The following PDS5A variants were observed in gnomAD, a reference collection of about 807,000 sequenced individuals.
The protein encoded by PDS5A is PDS5 cohesin associated factor A.
Under a neutral mutation model 167.1 loss-of-function variants are expected in PDS5A, and 42 were observed. That is an observed-to-expected ratio of 0.25 (90% confidence interval 0.20 to 0.33). The LOEUF is 0.33. Ranked by LOEUF, PDS5A falls within the 10% of genes least tolerant of loss-of-function variation. The pLI is 1.00. For synonymous variants in PDS5A, 553 were observed against 554.6 expected, an observed-to-expected ratio of 1.00 and a Z score of 0.04; for missense variants, 1,033 against 1,605.9, an observed-to-expected ratio of 0.64 and a Z score of 6.10.
rs1720589917 is a variant in PDS5A at position 39,877,799 on chromosome 4, G to T, written c.1993-646C>A. ...TTTTTGTTTTTTTTGTAGAGATGAG[G>T]TCTAGCTATGTTGCCCAGGCTGGTC... On this transcript the variant is annotated intron_variant, in intron 18 of 32. Coordinates refer to ENST00000303538, the MANE Select transcript of PDS5A (RefSeq NM_001100399.2). Among the ~76,000 whole-genome samples the T allele has an allele frequency of 2.6e-5, 4 of 151,824 alleles. No individual in the cohort carries two copies. In the South Asian group the frequency reaches 8.3e-4, roughly 32 times the overall value.
intron 2 of PDS5A, among the ~76,000 whole-genome samples, chr4:39,937,989 CTG>C (rs1331710665): frequency 6.6e-6 from 1 of 152,196 alleles, no homozygotes; most frequent in Non-Finnish European, 1.5e-5. Flanking sequence ...TGTAAAAAGA[CTG>C]TAACCTACTC....
At chr4:39,958,581 A>C (rs1729183571) in intron 2 of PDS5A, among the ~76,000 whole-genome samples, 1 of 149,308 alleles carries the variant, frequency 6.7e-6, no homozygotes, top group Non-Finnish European at 1.5e-5. Flanking sequence ...CAGCACAAGC[A>C]AAATAGTAGT....
chr4:39,864,592 C>G lies in PDS5A; in HGVS notation c.2643-1133G>C, dbSNP rs1458154146. ...AATGCAGAAAGCTAGCCGGAACCCACTGGGACTGTTGCTAAGCATAGAGAG... is the reference window on the plus strand; with the variant it reads ...AATGCAGAAAGCTAGCCGGAACCCAGTGGGACTGTTGCTAAGCATAGAGAG... On this transcript the variant is annotated intron_variant, in intron 23 of 32. Coordinates refer to ENST00000303538, the MANE Select transcript of PDS5A (RefSeq NM_001100399.2). Among the ~76,000 whole-genome samples, 6 of 152,318 alleles carry G rather than the reference C, an allele frequency of 3.9e-5. No individual in the cohort carries two copies. In the East Asian group the frequency reaches 1.2e-3, roughly 29 times the overall value.
intron 26 of PDS5A, among the ~76,000 whole-genome samples, chr4:39,859,707 C>T (rs1046894935): frequency 4.6e-5 from 7 of 152,182 alleles, no homozygotes; most frequent in Non-Finnish European, 8.8e-5. Context: ...TTTCCCTAGA[C>T]TCGTGGTTTC....
At chr4:39,912,843 G>A (rs1242904249) in intron 9 of PDS5A, among the ~76,000 whole-genome samples, 2 of 152,144 alleles carry the variant, frequency 1.3e-5, no homozygotes, top group Non-Finnish European at 1.5e-5. Flanking sequence ...AAAACTATCT[G>A]AGTTAATGGC....
At chr4:39,946,565 G>A (rs1181412007) in intron 2 of PDS5A, among the ~76,000 whole-genome samples, 1 of 152,040 alleles carries the variant, frequency 6.6e-6, no homozygotes, top group Non-Finnish European at 1.5e-5. Flanking sequence ...AAGAAAAAAA[G>A]ACCAAATTAC....
intron 2 of PDS5A, among the ~76,000 whole-genome samples, chr4:39,964,092 T>C (rs1243630010): frequency 1.3e-5 from 2 of 152,060 alleles, no homozygotes; most frequent in African/African-American, 4.8e-5. Context: ...CTAACAAACA[T>C]GGTACTTCAT....
chr4:39,868,608 C>T (rs548110059), intron 22 of PDS5A: 9 of 451,266 alleles, frequency 2.0e-5, no homozygotes, highest in South Asian at 1.3e-4. Context: ...GGATTATAGG[C>T]GTGAGCCACC....
chr4:39,859,280 A>AAAAC (rs1250848569), intron 26 of PDS5A, among the ~76,000 whole-genome samples: 1 of 152,156 alleles, frequency 6.6e-6, no homozygotes, highest in Non-Finnish European at 1.5e-5. Context: ...AAAACTTAAA[A>AAAAC]AAACAAACAA....
At position 39,900,526 on chromosome 4, in the gene PDS5A, G is replaced by T; in HGVS notation, c.1500-19C>A. 6.8e-7 allele frequency: 1 copy of T among 1,470,304 alleles called. No individual in the cohort carries two copies. The highest frequency in any genetic ancestry group is 9.4e-7 in the Non-Finnish European group (1 of 1,068,394). 91.1% of individuals were successfully genotyped at this position (1,470,304 alleles called of 1,614,324 possible). A position where few individuals can be genotyped will look rare whatever the true frequency, so the allele number is the denominator to read the frequency against. ...GAGAGCTCTGTAAAGTTATGAATAT[G>T]AAAACACACATTACATAACAATACT... On this transcript the variant is annotated intron_variant, in intron 13 of 32. Coordinates refer to ENST00000303538, the MANE Select transcript of PDS5A (RefSeq NM_001100399.2).
chr4:39,873,210 A>G, intron 20 of PDS5A, 66 bp from the exon 21 acceptor site: 5 of 997,972 alleles, frequency 5.0e-6, no homozygotes, highest in Non-Finnish European at 6.9e-6. Context: ...CTACTGAAAC[A>G]GTACATTTTC....
chr4:39,880,803 A>G (rs1244405447), intron 17 of PDS5A, among the ~76,000 whole-genome samples: 1 of 152,154 alleles, frequency 6.6e-6, no homozygotes, highest in East Asian at 1.9e-4. Flanking sequence ...TTGTGTTGGG[A>G]ACATTCAATA....
At chr4:39,948,114 TG>T (rs1459028235) in intron 2 of PDS5A, among the ~76,000 whole-genome samples, 3 of 149,222 alleles carry the variant, frequency 2.0e-5, no homozygotes, top group Non-Finnish European at 3.0e-5. Flanking sequence ...TAGCTGGGTA[TG>T]GTAGCACGTA....
intron 6 of PDS5A, among the ~76,000 whole-genome samples, chr4:39,922,314 CCAAA>C (rs1273595901): frequency 6.6e-6 from 1 of 152,128 alleles, no homozygotes; most frequent in Non-Finnish European, 1.5e-5. Flanking sequence ...CATTTCTTTT[CCAAA>C]CAAAGTTAAC....
chr4:39,948,900 G>A (rs1173228037), intron 2 of PDS5A, among the ~76,000 whole-genome samples: 1 of 151,986 alleles, frequency 6.6e-6, no homozygotes, highest in Admixed American at 6.6e-5. Flanking sequence ...TCTGGAATTA[G>A]AGGTGTGAGC....
chr4:39,826,589 G>A (rs1292069757), intron 32 of PDS5A, among the ~76,000 whole-genome samples: 10 of 151,980 alleles, frequency 6.6e-5, no homozygotes, highest in South Asian at 2.1e-4. Context: ...GGGTTCAAGC[G>A]ATACTCCTGT....
At chr4:39,880,939 C>T (rs982716628) in intron 17 of PDS5A, among the ~76,000 whole-genome samples, 28 of 151,994 alleles carry the variant, frequency 1.8e-4, no homozygotes, top group African/African-American at 6.8e-4. Flanking sequence ...TGTATTTCTC[C>T]CTAATCCTCC....
chr4:39,970,016 T>C (rs567346056), intron 2 of PDS5A, among the ~76,000 whole-genome samples: 7 of 150,904 alleles, frequency 4.6e-5, no homozygotes, highest in Non-Finnish European at 2.9e-5. Context: ...TGGAATGCAG[T>C]GATGTGATCT....
chr4:39,894,658 G>C (rs895254600), intron 16 of PDS5A, among the ~76,000 whole-genome samples: 22 of 152,082 alleles, frequency 1.4e-4, no homozygotes, highest in Admixed American at 4.6e-4. Flanking sequence ...ATCTATTATA[G>C]TCCTTATCCT....
Sources: gnomAD v4.1 joint callset for allele counts (sites outside exome capture counted in the v4.1 genomes callset) on GRCh38, gnomAD v4.1.1 for gene constraint, MANE v1.5 for transcripts, NCBI Gene and HGNC (gene_info 2026-07-23, HGNC 2026-07-21) for gene names.